Variants in NRXN1 observed in about 807,000 individuals in gnomAD.
NRXN1 encodes neurexin 1.
NRXN1 carries 39 observed loss-of-function variants against 150.9 expected under a neutral mutation model. The observed-to-expected ratio is 0.26, with a 90% confidence interval of 0.20 to 0.34. The LOEUF (loss-of-function observed/expected upper bound fraction) is 0.34, where lower values mean the gene tolerates loss of function less well. NRXN1 is among the 10% of genes least tolerant of loss of function. The pLI, the probability that NRXN1 is intolerant of heterozygous loss-of-function variation, is 1.00. For missense variants in NRXN1, 1,815 were observed against 1,949.9 expected (o/e 0.93, Z 1.30); for synonymous variants, 924 against 757.0 (o/e 1.22, Z -3.62).
intron 5 of NRXN1, among the ~76,000 whole-genome samples, chr2:50,666,285 C>T (rs767908579): frequency 3.3e-5 from 5 of 151,898 alleles, no homozygotes; most frequent in Non-Finnish European, 7.4e-5. Context: ...CCATATTAGT[C>T]TATGCAAGTT....
At chr2:50,640,520 G>C (rs1409407183) in intron 5 of NRXN1, among the ~76,000 whole-genome samples, 1 of 152,082 alleles carries the variant, frequency 6.6e-6, no homozygotes, top group African/African-American at 2.4e-5. Context: ...TATATGCTTA[G>C]ATGTTACATT....
chr2:50,222,746 C>T (rs1257072897), intron 18 of NRXN1, among the ~76,000 whole-genome samples: 1 of 151,758 alleles, frequency 6.6e-6, no homozygotes, highest in Non-Finnish European at 1.5e-5. Flanking sequence ...TAAAAATACT[C>T]AAGTTGCAGA....
intron 5 of NRXN1, among the ~76,000 whole-genome samples, chr2:50,667,156 G>T (rs1200515709): frequency 6.7e-6 from 1 of 148,980 alleles, no homozygotes; most frequent in Non-Finnish European, 1.5e-5. Context: ...GAAATATAAA[G>T]AATTTACACA....
At chr2:50,813,892 A>G (rs1355111422) in intron 5 of NRXN1, among the ~76,000 whole-genome samples, 2 of 152,128 alleles carry the variant, frequency 1.3e-5, no homozygotes, top group African/African-American at 4.8e-5. Flanking sequence ...GACTTTAACA[A>G]TACATCTTCT....
intron 19 of NRXN1, among the ~76,000 whole-genome samples, chr2:50,077,245 A>G (rs72891431): frequency 0.02 from 3,109 of 152,274 alleles, 87 homozygotes; most frequent in African/African-American, 0.071. Flanking sequence ...ATAGGCAGGA[A>G]TTTCAAAAGG....
intron 18 of NRXN1, among the ~76,000 whole-genome samples, chr2:50,128,482 T>C (rs977229428): frequency 2.0e-5 from 3 of 152,176 alleles, no homozygotes; most frequent in Non-Finnish European, 4.4e-5. Context: ...AGGCAGAGTT[T>C]AAATTATAAA....
intron 5 of NRXN1, among the ~76,000 whole-genome samples, chr2:50,626,877 CA>C (rs1681189824): frequency 6.6e-6 from 1 of 151,776 alleles, no homozygotes. Flanking sequence ...ATATGCCAAG[CA>C]CCTCAGCGAA....
At chr2:50,570,384 CTTA>C (rs1670488409) in intron 8 of NRXN1, among the ~76,000 whole-genome samples, 1 of 152,110 alleles carries the variant, frequency 6.6e-6, no homozygotes, top group Admixed American at 6.6e-5. Context: ...TTAATCATAC[CTTA>C]TTAATTGCTA....
chr2:49,919,406 G>A lies in NRXN1; in HGVS notation c.*2538C>T, dbSNP rs971839954. ...CATTGCATGTAACTTTAAAATTTAC[G>A]CTGGGGAGAAACATTGAAATCAATC... On this transcript the variant is annotated 3_prime_UTR_variant, in exon 23 of 23. Transcript: ENST00000401669. The A allele has an allele frequency of 2.6e-5, 4 of 151,894 alleles. No individual in the cohort carries two copies. The highest frequency in any genetic ancestry group is 4.2e-4 in the South Asian group (2 of 4,816). The allele number at this position is 151,894 out of a possible 1,614,324, so 9.4% of individuals were successfully genotyped here.
chr2:50,737,409 A>T (rs1698899184), intron 5 of NRXN1, among the ~76,000 whole-genome samples: 1 of 152,100 alleles, frequency 6.6e-6, no homozygotes, highest in Non-Finnish European at 1.5e-5. Context: ...TACTCCAGAT[A>T]CTCTATGGGA....
At chr2:50,369,614 T>A (rs2079863141) in intron 17 of NRXN1, among the ~76,000 whole-genome samples, 1 of 152,026 alleles carries the variant, frequency 6.6e-6, no homozygotes, top group Non-Finnish European at 1.5e-5. Context: ...GATGTTCTTT[T>A]TGATTTCTGA....
intron 2 of NRXN1, among the ~76,000 whole-genome samples, chr2:50,943,058 C>T (rs893049604): frequency 6.6e-6 from 1 of 152,022 alleles, no homozygotes; most frequent in Non-Finnish European, 1.5e-5. Context: ...CTTAGGAGAT[C>T]TGGTTGTTTG....
rs181129642 is a variant in NRXN1 at position 50,779,191 on chromosome 2, C to T, written c.832+142678G>A. On this transcript the variant is annotated intron_variant, in intron 5 of 22. Coordinates refer to ENST00000401669, the MANE Select transcript of NRXN1 (RefSeq NM_001330078.2). ...CCTCCCCTAGCACCCCTCACCCTGACAGGTTCTAGTGTGTGATGTTCCCCT... is the reference window on the plus strand; with the variant it reads ...CCTCCCCTAGCACCCCTCACCCTGATAGGTTCTAGTGTGTGATGTTCCCCT... Among the ~76,000 whole-genome samples, 20 of 152,216 alleles carry T rather than the reference C, an allele frequency of 1.3e-4. No homozygotes were observed. In the East Asian group the frequency reaches 3.7e-3, roughly 28 times the overall value.
chr2:50,440,066 C>T (rs949572029), intron 17 of NRXN1, among the ~76,000 whole-genome samples: 11 of 152,118 alleles, frequency 7.2e-5, no homozygotes, highest in African/African-American at 2.2e-4. Context: ...GAAAGATTTA[C>T]GGACACTTCA....
At chr2:50,125,093 A>G (rs1704379852) in intron 18 of NRXN1, among the ~76,000 whole-genome samples, 1 of 152,186 alleles carries the variant, frequency 6.6e-6, no homozygotes, top group African/African-American at 2.4e-5. Context: ...TCCTTGAAAT[A>G]GTAAATTATT....
At chr2:50,069,704 G>T (rs2177374) in intron 19 of NRXN1, among the ~76,000 whole-genome samples, 1 of 151,702 alleles carries the variant, frequency 6.6e-6, no homozygotes, top group East Asian at 1.9e-4. Context: ...TTTCCACTTT[G>T]TGCTATACAG....
At chr2:50,212,033 T>C (rs1479831688) in intron 18 of NRXN1, among the ~76,000 whole-genome samples, 3 of 149,870 alleles carry the variant, frequency 2.0e-5, no homozygotes, top group Non-Finnish European at 4.4e-5. Flanking sequence ...TTTTTGCTTA[T>C]TGGCAAACTA....
intron 17 of NRXN1, among the ~76,000 whole-genome samples, chr2:50,343,540 C>T (rs1410154491): frequency 6.6e-6 from 1 of 152,078 alleles, no homozygotes; most frequent in Non-Finnish European, 1.5e-5. Context: ...TATAAAAGGA[C>T]CCTGCAGTGT....
chr2:50,826,565 C>A (rs1246843273), intron 5 of NRXN1, among the ~76,000 whole-genome samples: 2 of 151,890 alleles, frequency 1.3e-5, no homozygotes, highest in African/African-American at 2.4e-5. Flanking sequence ...TTGGAAGTGA[C>A]CCTAAGTAAT....
Sources: gnomAD v4.1 joint callset for allele counts (sites outside exome capture counted in the v4.1 genomes callset) on GRCh38, gnomAD v4.1.1 for gene constraint, MANE v1.5 for transcripts, NCBI Gene and HGNC (gene_info 2026-07-23, HGNC 2026-07-21) for gene names.